The following MCC variants were observed in gnomAD, a reference collection of about 807,000 sequenced individuals.
The protein encoded by MCC is MCC regulator of Wnt signaling pathway, also known as colorectal mutant cancer protein.
In MCC, 90 loss-of-function variants were observed where a neutral mutation model predicts 116.2. The ratio of observed to expected loss-of-function variants is 0.77; its 90% CI spans 0.65 to 0.92. MCC has a LOEUF of 0.92. MCC is among the 40% of genes least tolerant of loss of function. MCC has a pLI of 0.00. For synonymous variants in MCC, 578 were observed against 510.5 expected (o/e 1.13, Z -1.78); for missense variants, 1,516 against 1,312.2 (o/e 1.16, Z -2.40).
At chr5:113,239,436 A>C (rs1475299229) in intron 3 of MCC, among the ~76,000 whole-genome samples, 2 of 152,092 alleles carry the variant, frequency 1.3e-5, no homozygotes, top group Admixed American at 6.6e-5. Context: ...AGAGTTCTCA[A>C]ACACCTTTAG....
intron 3 of MCC, among the ~76,000 whole-genome samples, chr5:113,175,677 T>C (rs535433218): frequency 1.3e-5 from 2 of 152,300 alleles, no homozygotes; most frequent in East Asian, 1.9e-4. Context: ...TATTAGATTG[T>C]AAATATTGTT....
chr5:113,141,036 T>C (rs1286306094), intron 5 of MCC, among the ~76,000 whole-genome samples: 2 of 152,154 alleles, frequency 1.3e-5, no homozygotes, highest in Non-Finnish European at 2.9e-5. Context: ...TCGGGGAAGA[T>C]CCACCCTTAG....
At chr5:113,146,112 G>C (rs13190040) in intron 4 of MCC, among the ~76,000 whole-genome samples, 1 of 151,574 alleles carries the variant, frequency 6.6e-6, no homozygotes, top group Non-Finnish European at 1.5e-5. Flanking sequence ...ATATTTTTCC[G>C]TAAGTTTTAA....
At chr5:113,458,628 A>C (rs957838643) in intron 1 of MCC, among the ~76,000 whole-genome samples, 1 of 152,236 alleles carries the variant, frequency 6.6e-6, no homozygotes, top group South Asian at 2.1e-4. Context: ...CAATGGATAA[A>C]AATGTAATAG....
chr5:113,033,972 G>A lies in MCC; in HGVS notation c.2757-4916C>T, dbSNP rs191169922. Among the ~76,000 whole-genome samples the A allele has an allele frequency of 4.6e-5, 7 of 152,180 alleles. No homozygotes were observed. The East Asian group carries it at 1.2e-3, about 25-fold the overall frequency. Reference sequence around the variant, plus strand: ...ACAAATCACAGCTCACTGCAGCCTCGACCTCCCAGGCTCAAGCAATCCCCT... The same window carrying A: ...ACAAATCACAGCTCACTGCAGCCTCAACCTCCCAGGCTCAAGCAATCCCCT... On this transcript the variant is annotated intron_variant, in intron 17 of 18. Transcript: ENST00000408903.
chr5:113,313,067 C>A (rs1767174436), intron 3 of MCC, among the ~76,000 whole-genome samples: 2 of 152,074 alleles, frequency 1.3e-5, no homozygotes, highest in Admixed American at 1.3e-4. Context: ...AGAGAAGGGG[C>A]CTGGCATGGT....
chr5:113,088,186 G>A (rs1436781262), intron 8 of MCC, among the ~76,000 whole-genome samples: 1 of 152,170 alleles, frequency 6.6e-6, no homozygotes, highest in Non-Finnish European at 1.5e-5. Flanking sequence ...CAGCTGAAGG[G>A]AGTGCAGTGT....
chr5:113,041,393 C>T (rs1159731370), intron 17 of MCC, among the ~76,000 whole-genome samples: 2 of 152,160 alleles, frequency 1.3e-5, no homozygotes, highest in African/African-American at 2.4e-5. Flanking sequence ...AGAAATCATG[C>T]TCAATCATAA....
chr5:113,168,111 G>C (rs1459672071), intron 3 of MCC, among the ~76,000 whole-genome samples: 2 of 152,150 alleles, frequency 1.3e-5, no homozygotes, highest in African/African-American at 4.8e-5. Flanking sequence ...CACAGGCTTT[G>C]AGTATCCTTA....
chr5:113,308,674 A>G (rs1314518797), intron 3 of MCC, among the ~76,000 whole-genome samples: 1 of 152,018 alleles, frequency 6.6e-6, no homozygotes, highest in Non-Finnish European at 1.5e-5. Flanking sequence ...AAATCTAACA[A>G]AAATTATCCA....
chr5:113,488,441 A>G lies in MCC; in HGVS notation c.-27T>C. 1.4e-6 allele frequency: 2 copies of G among 1,391,922 alleles called. No homozygotes were observed. Among genetic ancestry groups the G allele is most frequent in the Non-Finnish European group, 1.8e-6 (2 of 1,086,796 alleles). 86.2% of individuals were successfully genotyped at this position (1,391,922 alleles called of 1,614,324 possible). The stretch of plus-strand genomic sequence containing the variant: ...CGCCCGCTCCCTACTTGGGAGGAGG[A>G]GTACGCGCGACCGCAGCTGGAATCC... On this transcript the variant is annotated 5_prime_UTR_variant, in exon 1 of 19. Transcript: ENST00000408903.
chr5:113,074,240 G>C (rs975977828), intron 11 of MCC, among the ~76,000 whole-genome samples: 1 of 152,206 alleles, frequency 6.6e-6, no homozygotes, highest in Admixed American at 6.5e-5. Context: ...CTGTTCTGCA[G>C]CCTCCGCTGG....
At chr5:113,076,313 A>G (rs1450488871) in intron 11 of MCC, among the ~76,000 whole-genome samples, 1 of 152,196 alleles carries the variant, frequency 6.6e-6, no homozygotes, top group African/African-American at 2.4e-5. Context: ...AGAGAACACC[A>G]CAAAGATACT....
intron 14 of MCC, among the ~76,000 whole-genome samples, chr5:113,055,290 CGCCAGAT>C: frequency 6.6e-6 from 1 of 152,146 alleles, no homozygotes; most frequent in East Asian, 1.9e-4. Flanking sequence ...CTCCACAGGC[CGCCAGAT>C]GCCACAAACC....
intron 17 of MCC, among the ~76,000 whole-genome samples, chr5:113,037,138 C>A (rs1751380224): frequency 1.3e-5 from 2 of 152,214 alleles, no homozygotes; most frequent in Admixed American, 6.5e-5. Flanking sequence ...TAAAAAGCAC[C>A]CCACCCACTT....
intron 3 of MCC, among the ~76,000 whole-genome samples, chr5:113,300,660 C>T (rs1167424142): frequency 2.0e-5 from 3 of 152,110 alleles, no homozygotes; most frequent in Non-Finnish European, 4.4e-5. Context: ...AAAGTACATA[C>T]TCCAAAGAAT....
At chr5:113,468,664 C>T (rs1451442034) in intron 1 of MCC, among the ~76,000 whole-genome samples, 1 of 152,116 alleles carries the variant, frequency 6.6e-6, no homozygotes, top group Non-Finnish European at 1.5e-5. Flanking sequence ...GTGTCTCTGC[C>T]CGGCTTTGGT....
chr5:113,027,774 T>C (rs2150205115), intron 18 of MCC, among the ~76,000 whole-genome samples: 1 of 152,278 alleles, frequency 6.6e-6, no homozygotes, highest in South Asian at 2.1e-4. Flanking sequence ...CAATCCAAAT[T>C]GGCCCAGTCC....
At chr5:113,256,165 C>T (rs1764994549) in intron 3 of MCC, among the ~76,000 whole-genome samples, 3 of 151,710 alleles carry the variant, frequency 2.0e-5, no homozygotes, top group African/African-American at 7.3e-5. Context: ...AGTTTAGCTG[C>T]ACCAACCCTA....
Sources: gnomAD v4.1 joint callset for allele counts (sites outside exome capture counted in the v4.1 genomes callset) on GRCh38, gnomAD v4.1.1 for gene constraint, MANE v1.5 for transcripts, NCBI Gene and HGNC (gene_info 2026-07-23, HGNC 2026-07-21) for gene names.